GNG4: variants seen among roughly 807,000 people sequenced by gnomAD.
GNG4 encodes G protein subunit gamma 4.
A neutral mutation model predicts 5.8 loss-of-function variants in GNG4; 4 were observed. The ratio of observed to expected loss-of-function variants is 0.69; its 90% CI spans 0.34 to 1.57. The LOEUF is 1.57. Ranked by LOEUF, GNG4 falls within the 40% of genes most tolerant of loss-of-function variation. The probability of loss-of-function intolerance (pLI) is 0.06; values close to 1 mark genes in which losing one functional copy is unlikely to be tolerated. For synonymous variants in GNG4, 29 were observed against 32.9 expected, an observed-to-expected ratio of 0.88 and a Z score of 0.41; for missense variants, 96 against 95.1, an observed-to-expected ratio of 1.01 and a Z score of -0.04.
At chr1:235,637,081 C>T (rs1444891179) in intron 1 of GNG4, among the ~76,000 whole-genome samples, 1 of 150,996 alleles carries the variant, frequency 6.6e-6, no homozygotes, top group Non-Finnish European at 1.5e-5. Context: ...AAAATCCCTG[C>T]CTCCTGGCAT....
intron 1 of GNG4, among the ~76,000 whole-genome samples, chr1:235,610,353 C>A (rs370337782): frequency 6.6e-6 from 1 of 152,148 alleles, no homozygotes; most frequent in Non-Finnish European, 1.5e-5. Flanking sequence ...TAATGATGTT[C>A]GTTGTCATCA....
intron 3 of GNG4, among the ~76,000 whole-genome samples, chr1:235,573,895 G>A (rs1687414395): frequency 6.6e-6 from 1 of 152,232 alleles, no homozygotes; most frequent in South Asian, 2.1e-4. Context: ...GACATTTTAG[G>A]AGAATATTTC....
At chr1:235,574,199 C>A (rs188323064) in intron 3 of GNG4, among the ~76,000 whole-genome samples, 2 of 152,016 alleles carry the variant, frequency 1.3e-5, no homozygotes, top group African/African-American at 4.8e-5. Flanking sequence ...GGTGAAACCC[C>A]GTCTCTACTA....
chr1:235,616,502 A>T (rs1179776287), intron 1 of GNG4: 1 of 205,138 alleles, frequency 4.9e-6, no homozygotes, highest in Non-Finnish European at 9.7e-6. Flanking sequence ...AGGTTGTTCC[A>T]TGAAAAACTT....
chr1:235,606,602 G>A (rs1229662891), intron 1 of GNG4, among the ~76,000 whole-genome samples: 1 of 152,158 alleles, frequency 6.6e-6, no homozygotes, highest in Non-Finnish European at 1.5e-5. Flanking sequence ...AGAGCAAGTG[G>A]AATGGGGTGC....
chr1:235,637,035 G>A (rs1024399903), intron 1 of GNG4, among the ~76,000 whole-genome samples: 11 of 144,692 alleles, frequency 7.6e-5, no homozygotes, highest in Non-Finnish European at 1.5e-5. Flanking sequence ...TCCAGCCTGG[G>A]CGACAGAGCC....
intron 3 of GNG4, among the ~76,000 whole-genome samples, chr1:235,559,171 G>A (rs888880611): frequency 2.0e-5 from 3 of 152,306 alleles, no homozygotes; most frequent in Admixed American, 1.3e-4. Flanking sequence ...AAGCATCTTG[G>A]TTGGCTTTGC....
At chr1:235,576,495 T>G (rs1687488114) in intron 3 of GNG4, among the ~76,000 whole-genome samples, 1 of 152,254 alleles carries the variant, frequency 6.6e-6, no homozygotes, top group African/African-American at 2.4e-5. Context: ...GTGCTCTTTA[T>G]TTCTTTTTTA....
intron 1 of GNG4, chr1:235,615,336 G>C (rs531996473): frequency 6.5e-6 from 1 of 152,776 alleles, no homozygotes; most frequent in East Asian, 1.9e-4. Flanking sequence ...CTAGAAGCTG[G>C]ATAAGGCAAG....
intron 1 of GNG4, among the ~76,000 whole-genome samples, chr1:235,639,803 C>T (rs12404852): frequency 0.17 from 25,616 of 152,204 alleles, 2,657 homozygotes; most frequent in South Asian, 0.31. Context: ...CACCGTGCCC[C>T]GCTCTGTGTT....
At chr1:235,559,890 TTAAG>T (rs1365816641) in intron 3 of GNG4, among the ~76,000 whole-genome samples, 2 of 152,200 alleles carry the variant, frequency 1.3e-5, no homozygotes, top group African/African-American at 2.4e-5. Context: ...CCAAATTAAC[TTAAG>T]TAAGAGTTGT....
Position 235,549,340 on chromosome 1 carries a change from G to GAGGAAA in GNG4, c.*2763_*2768dup, listed in dbSNP as rs1202133073. On this transcript the variant is annotated 3_prime_UTR_variant, in exon 4 of 4. Transcript: ENST00000391854. ...TCACAGGGGAAGGTAAGGAAGAGAG[G>GAGGAAA]AGGAAAAGGAAAAGGAGAGAGAACA... 2.0e-5 allele frequency: 3 copies of GAGGAAA among 152,404 alleles called. No individual in the cohort carries two copies. The highest frequency in any genetic ancestry group is 4.8e-5 in the African/African-American group (2 of 41,422). 9.4% of individuals were successfully genotyped at this position (152,404 alleles called of 1,614,324 possible). A position where few individuals can be genotyped will look rare whatever the true frequency, so the allele number is the denominator to read the frequency against.
chr1:235,552,052 G>A lies in GNG4; in HGVS notation c.*57C>T, dbSNP rs1206444767. The A allele has an allele frequency of 1.3e-6, 2 of 1,537,562 alleles. No homozygotes were observed. The highest frequency in any genetic ancestry group is 2.7e-5 in the African/African-American group (2 of 73,380). On this transcript the variant is annotated 3_prime_UTR_variant, in exon 4 of 4. Transcript: ENST00000391854. ...ACTCCCTAAGGCTTAGAGCATGCAT[G>A]GTCTCTACAGGGGACTTTGAAGGTC... is the stretch of plus-strand genomic sequence containing the variant.
intron 1 of GNG4, among the ~76,000 whole-genome samples, chr1:235,630,407 T>A (rs1317139315): frequency 6.6e-6 from 1 of 152,222 alleles, no homozygotes. Flanking sequence ...ACTACTTGAA[T>A]AATCAAGACC....
rs1476287597 is a variant in GNG4, at chr1:235,582,298, C to T, written c.99+1442G>A. On this transcript the variant is annotated intron_variant, in intron 3 of 3. Coordinates refer to ENST00000391854, the MANE Select transcript of GNG4 (RefSeq NM_001098722.2). ...GCTTCCGCACCTGTGTGCATGGCGC[C>T]CTCCTCCCATAGCTCTCTTCCCAGC... Among the ~76,000 whole-genome samples the T allele has an allele frequency of 3.3e-5, 5 of 152,216 alleles. No homozygotes were observed. In the South Asian group the frequency reaches 1.0e-3, roughly 32 times the overall value.
At chr1:235,636,534 G>A (rs187108409) in intron 1 of GNG4, among the ~76,000 whole-genome samples, 71 of 152,278 alleles carry the variant, frequency 4.7e-4, no homozygotes, top group African/African-American at 1.4e-3. Context: ...GCAGAGGCAC[G>A]GTGCCCACGC....
intron 3 of GNG4, among the ~76,000 whole-genome samples, chr1:235,559,894 G>T (rs751030972): frequency 4.6e-5 from 7 of 152,280 alleles, no homozygotes; most frequent in African/African-American, 1.2e-4. Context: ...ATTAACTTAA[G>T]TAAGAGTTGT....
chr1:235,606,382 A>G (rs573574043), intron 1 of GNG4, among the ~76,000 whole-genome samples: 1 of 152,060 alleles, frequency 6.6e-6, no homozygotes, highest in African/African-American at 2.4e-5. Context: ...ACTCCGTCTT[A>G]AAAAAAAGAA....
chr1:235,606,824 G>A lies in GNG4; in HGVS notation c.-122-11313C>T, dbSNP rs969313676. ...AGCATGGGTCAGAAGGCTGGGCTGC[G>A]TGCAGAGCCTTTGGCCCAAAGCAGC... On this transcript the variant is annotated intron_variant, in intron 1 of 3. Transcript: ENST00000391854. Among the ~76,000 whole-genome samples, 8 of 152,140 alleles carry A rather than the reference G, an allele frequency of 5.3e-5. No homozygotes were observed. In the South Asian group the frequency reaches 6.2e-4, roughly 12 times the overall value.
Sources: allele counts gnomAD v4.1 joint callset (sites outside exome capture counted in the v4.1 genomes callset), GRCh38; gene constraint gnomAD v4.1.1; transcripts MANE v1.5; gene names NCBI Gene and HGNC (gene_info 2026-07-23, HGNC 2026-07-21).